UPP2: variants seen among roughly 807,000 people sequenced by gnomAD.
The protein encoded by UPP2 is uridine phosphorylase 2.
In UPP2, 23 loss-of-function variants were observed where a neutral mutation model predicts 26.7. That is an observed-to-expected ratio of 0.86 (90% confidence interval 0.62 to 1.22). UPP2 has a LOEUF of 1.22. UPP2 is among the 50% of genes most tolerant of loss of function. UPP2 has a pLI of 0.00. For synonymous variants in UPP2, 127 were observed against 141.3 expected (o/e 0.90, Z 0.72); for missense variants, 387 against 396.7 (o/e 0.98, Z 0.21).
chr2:158,022,936 C>A (rs1178689271), intron 3 of UPP2, among the ~76,000 whole-genome samples: 1 of 152,168 alleles, frequency 6.6e-6, no homozygotes, highest in Non-Finnish European at 1.5e-5. Context: ...AAGAACTGAG[C>A]TGAGTATGCA....
intron 6 of UPP2, chr2:158,128,161 C>T (rs557378670): frequency 2.4e-5 from 8 of 329,342 alleles, no homozygotes; most frequent in African/African-American, 1.6e-4. Flanking sequence ...TCTTCTATGT[C>T]TAGTTGTTTG....
At chr2:158,089,340 C>G (rs1433706610) in intron 3 of UPP2, among the ~76,000 whole-genome samples, 1 of 152,194 alleles carries the variant, frequency 6.6e-6, no homozygotes, top group East Asian at 1.9e-4. Context: ...GCCCCTTTGA[C>G]AGCACTGAGT....
At chr2:158,033,438 G>C (rs938010989) in intron 3 of UPP2, among the ~76,000 whole-genome samples, 1 of 152,170 alleles carries the variant, frequency 6.6e-6, no homozygotes, top group South Asian at 2.1e-4. Flanking sequence ...CTGCAGATGG[G>C]ATGGGTGGTT....
rs190604715 is a variant in UPP2 at position 158,064,121 on chromosome 2, T to C, written c.148-37919T>C. 2.0e-5 allele frequency among the ~76,000 whole-genome samples: 3 copies of C among 152,370 alleles called. No homozygotes were observed. In the East Asian group the frequency reaches 5.8e-4, roughly 29 times the overall value. On this transcript the variant is annotated intron_variant, in intron 3 of 9. Coordinates refer to the UPP2 transcript ENST00000605860. ...TTTCAGTATATACCCAGTAATGGGA[T>C]TGCTGGGTCAAATGGTATTTCTAGT...
chr2:158,101,784 C>A, upstream of UPP2: 1 of 1,136,360 alleles, frequency 8.8e-7, no homozygotes, highest in Non-Finnish European at 1.1e-6. Flanking sequence ...GGATGCCACA[C>A]CTTCAAAGGG....
chr2:158,019,822 A>G (rs1390482111), intron 3 of UPP2, among the ~76,000 whole-genome samples: 3 of 152,154 alleles, frequency 2.0e-5, no homozygotes, highest in Non-Finnish European at 4.4e-5. Context: ...ACAAAGAACT[A>G]GCATGCAGGA....
chr2:157,999,915 G>A (rs1683378812), intron 2 of UPP2, among the ~76,000 whole-genome samples: 1 of 152,200 alleles, frequency 6.6e-6, no homozygotes. Context: ...AAGAGATGGA[G>A]ATTGCACTAG....
rs1301488520 is a variant in UPP2, at chr2:158,015,792, C to G, written c.62-9C>G. The G allele has an allele frequency of 2.0e-5, 9 of 453,500 alleles. 1 individual carries two copies. The highest frequency in any genetic ancestry group is 1.4e-4 in the South Asian group (9 of 64,402). The allele number at this position is 453,500 out of a possible 1,614,324, so 28.1% of individuals were successfully genotyped here. ...TCTCTGTCTCTCTCTCCTGCTCCAC[C>G]ATGGTAAGATGTGCCTGCTTCCCCT... On this transcript the variant is annotated splice_polypyrimidine_tract_variant and intron_variant, in intron 2 of 9. Transcript: ENST00000605860.
intron 3 of UPP2, among the ~76,000 whole-genome samples, chr2:158,035,914 A>AT (rs1683993131): frequency 6.6e-6 from 1 of 152,192 alleles, no homozygotes; most frequent in Non-Finnish European, 1.5e-5. Flanking sequence ...TAGGAAGTTG[A>AT]TTTTCACGTT....
At chr2:158,097,677 C>A (rs950924994), upstream of UPP2, among the ~76,000 whole-genome samples, 7 of 152,324 alleles carry the variant, frequency 4.6e-5, no homozygotes, top group East Asian at 1.4e-3. Flanking sequence ...CTCCACTACA[C>A]CAACCCTCGG....
intron 2 of UPP2, among the ~76,000 whole-genome samples, 185 bp from the exon 3 acceptor site, chr2:158,114,916 G>T (rs888592141): frequency 5.9e-5 from 9 of 152,130 alleles, no homozygotes; most frequent in Admixed American, 5.2e-4. Flanking sequence ...AAAAAACTTT[G>T]CATCTGTTGC....
intron 1 of UPP2, 137 bp from the exon 2 acceptor site, chr2:158,105,962 G>C: frequency 1.5e-6 from 1 of 653,340 alleles, no homozygotes; most frequent in South Asian, 2.1e-5. Context: ...GCAAATATTA[G>C]CCATAATTAC....
intron 3 of UPP2, among the ~76,000 whole-genome samples, chr2:158,076,675 C>A (rs1034959533): frequency 1.3e-5 from 2 of 151,852 alleles, no homozygotes; most frequent in Admixed American, 6.6e-5. Context: ...TACCTCAACA[C>A]AATAAAAGCC....
chr2:158,112,081 T>C (rs1225376720), intron 2 of UPP2, among the ~76,000 whole-genome samples: 1 of 152,172 alleles, frequency 6.6e-6, no homozygotes. Flanking sequence ...TCCAGTTGCC[T>C]ATTTTGCAGA....
At chr2:158,059,794 G>C (rs1682324879) in intron 3 of UPP2, among the ~76,000 whole-genome samples, 1 of 151,994 alleles carries the variant, frequency 6.6e-6, no homozygotes, top group South Asian at 2.1e-4. Flanking sequence ...TTGAGCCTTT[G>C]TCTCATACCC....
intron 2 of UPP2, among the ~76,000 whole-genome samples, chr2:158,106,826 A>G (rs1302984713): frequency 2.0e-5 from 3 of 152,316 alleles, no homozygotes; most frequent in South Asian, 4.1e-4. Flanking sequence ...TATGATTGTT[A>G]AAAAACACCC....
At chr2:158,003,578 T>C (rs1683442261) in intron 2 of UPP2, among the ~76,000 whole-genome samples, 1 of 151,880 alleles carries the variant, frequency 6.6e-6, no homozygotes, top group Non-Finnish European at 1.5e-5. Flanking sequence ...TGTGGTGGTG[T>C]GTGCTTGTAA....
upstream of UPP2, among the ~76,000 whole-genome samples, chr2:158,098,711 G>A (rs534466287): frequency 1.3e-5 from 2 of 152,224 alleles, no homozygotes; most frequent in Admixed American, 1.3e-4. Context: ...GGATGAACGC[G>A]TATCTAAAAG....
chr2:158,100,171 C>G (rs957629460), upstream of UPP2, among the ~76,000 whole-genome samples: 1 of 152,202 alleles, frequency 6.6e-6, no homozygotes, highest in Non-Finnish European at 1.5e-5. Context: ...TAGTATTCTA[C>G]TTTCATCAAC....
Sources: gnomAD v4.1 joint callset for allele counts (sites outside exome capture counted in the v4.1 genomes callset) on GRCh38, gnomAD v4.1.1 for gene constraint, MANE v1.5 for transcripts, NCBI Gene and HGNC (gene_info 2026-07-23, HGNC 2026-07-21) for gene names.